Variants in SHCBP1L observed in about 807,000 individuals in gnomAD.
SHCBP1L encodes testicular spindle-associated protein SHCBP1L.
A neutral mutation model predicts 62.5 loss-of-function variants in SHCBP1L; 67 were observed. The ratio of observed to expected loss-of-function variants is 1.07; its 90% CI spans 0.88 to 1.31. The LOEUF (loss-of-function observed/expected upper bound fraction) is 1.31. Among genes scored for constraint, SHCBP1L ranks in the 40% most tolerant of loss-of-function variants. The pLI is 0.00. For synonymous variants in SHCBP1L, 284 were observed against 289.4 expected (o/e 0.98, Z 0.19); for missense variants, 823 against 809.8 (o/e 1.02, Z -0.20).
intron 2 of SHCBP1L, among the ~76,000 whole-genome samples, chr1:182,943,738 G>A (rs935591260): frequency 3.3e-5 from 5 of 150,832 alleles, no homozygotes; most frequent in African/African-American, 1.2e-4. Flanking sequence ...GTGAGCCACT[G>A]CACCTGGCCT....
intron 5 of SHCBP1L, among the ~76,000 whole-genome samples, chr1:182,930,547 GTGTGTATATATATATATATATA>G (rs1168796525): frequency 0.01 from 940 of 92,824 alleles, 46 homozygotes; most frequent in African/African-American, 0.031. Flanking sequence ...GCTTTAGTGT[GTGTGTATATATATATATATATA>G]TATATATATA....
intron 6 of SHCBP1L, among the ~76,000 whole-genome samples, chr1:182,914,508 C>T (rs111864327): frequency 2.8e-4 from 42 of 152,046 alleles, no homozygotes; most frequent in African/African-American, 9.6e-4. Context: ...CATAAAGGGA[C>T]GATGGAGCTG....
At chr1:182,927,711 T>C (rs370448665) in intron 6 of SHCBP1L, among the ~76,000 whole-genome samples, 1 of 149,030 alleles carries the variant, frequency 6.7e-6, no homozygotes, top group East Asian at 2.0e-4. Context: ...ACAGCTATAC[T>C]ACTATCAAGC....
intron 2 of SHCBP1L, among the ~76,000 whole-genome samples, chr1:182,941,154 GATA>G (rs1179766118): frequency 1.6e-5 from 2 of 124,464 alleles, no homozygotes; most frequent in African/African-American, 6.1e-5. Flanking sequence ...AAATGACAAT[GATA>G]ATAACAAAAA....
At chr1:182,903,185 C>A in intron 8 of SHCBP1L, 24 bp from the exon 9 acceptor site, 1 of 1,501,784 alleles carries the variant, frequency 6.7e-7, no homozygotes, top group Non-Finnish European at 8.9e-7. Context: ...GCAAATAAAA[C>A]TATCTACAAA....
chr1:182,911,404 C>A (rs1650184388), intron 6 of SHCBP1L, among the ~76,000 whole-genome samples: 1 of 152,046 alleles, frequency 6.6e-6, no homozygotes, highest in Admixed American at 6.6e-5. Flanking sequence ...TCCAGAGTTA[C>A]CATATTATAA....
chr1:182,940,592 A>G (rs923135206), intron 2 of SHCBP1L, 49 bp from the exon 3 acceptor site: 1 of 1,493,210 alleles, frequency 6.7e-7, no homozygotes, highest in African/African-American at 1.4e-5. Flanking sequence ...AAATATCAGT[A>G]AACCGCAGGA....
chr1:182,914,465 A>C (rs545336316), intron 6 of SHCBP1L, among the ~76,000 whole-genome samples: 15 of 152,376 alleles, frequency 9.8e-5, no homozygotes, highest in African/African-American at 3.4e-4. Flanking sequence ...ATGGGGAAAC[A>C]ATGTATAAAG....
chr1:182,924,587 C>T (rs1233632898), intron 6 of SHCBP1L, among the ~76,000 whole-genome samples: 7 of 151,032 alleles, frequency 4.6e-5, no homozygotes, highest in African/African-American at 1.5e-4. Flanking sequence ...TGAGCCACCG[C>T]GCCCCGCCAA....
intron 5 of SHCBP1L, among the ~76,000 whole-genome samples, chr1:182,931,552 G>A (rs1650995679): frequency 6.6e-6 from 1 of 151,988 alleles, no homozygotes. Flanking sequence ...AACAAACATT[G>A]GTCTGCTTTC....
intron 2 of SHCBP1L, among the ~76,000 whole-genome samples, chr1:182,949,625 A>T (rs1422328021): frequency 6.6e-6 from 1 of 151,932 alleles, no homozygotes; most frequent in Non-Finnish European, 1.5e-5. Flanking sequence ...TGAAACCTAG[A>T]GGAAGAGGTT....
rs763859892 is a variant in SHCBP1L at position 182,939,558 on chromosome 1, G to A, written c.771-5C>T. On this transcript the variant is annotated splice_region_variant and splice_polypyrimidine_tract_variant and intron_variant, in intron 3 of 9. Transcript: ENST00000367547. ...CAAAGAAAGTCATAAAAAAACCTACGATAAACCAAATTAAGATGACAGTAA... is the reference window on the plus strand; with the variant it reads ...CAAAGAAAGTCATAAAAAAACCTACAATAAACCAAATTAAGATGACAGTAA... 12 of 1,588,998 alleles carry A rather than the reference G, an allele frequency of 7.6e-6. No individual in the cohort carries two copies. Among genetic ancestry groups the A allele is most frequent in the East Asian group, 6.8e-5 (3 of 44,342 alleles).
intron 6 of SHCBP1L, among the ~76,000 whole-genome samples, chr1:182,923,471 A>G (rs1262389803): frequency 6.6e-6 from 1 of 152,200 alleles, no homozygotes; most frequent in Non-Finnish European, 1.5e-5. Context: ...CCTCAACAAA[A>G]TATTAACAAA....
chr1:182,900,173 C>T lies in SHCBP1L; in HGVS notation c.1772G>A (p.Gly591Glu). The T allele has an allele frequency of 6.2e-7, 1 of 1,610,916 alleles. No individual in the cohort carries two copies. Among genetic ancestry groups the T allele is most frequent in the Non-Finnish European group, 8.5e-7 (1 of 1,178,558 alleles). Residue 591 changes from glycine (G) to glutamate (E), a missense_variant, in exon 10 of 10, where the codon GGA (glycine) becomes GAA (glutamate). Transcript: ENST00000367547. Reference protein sequence around the residue: ...NNHIYSNKGYGVSILQPMEQF... With the variant: ...NNHIYSNKGYEVSILQPMEQF... ...TTCCATTGGTTGAAGAATGCTTACT[C>T]CATAGCCTTTGTTGCTATAAATATG...
intron 9 of SHCBP1L, among the ~76,000 whole-genome samples, chr1:182,902,378 G>A (rs1353041498): frequency 6.6e-6 from 1 of 151,858 alleles, no homozygotes; most frequent in African/African-American, 2.4e-5. Context: ...CCAATTATCT[G>A]ACTTAGTGTC....
intron 5 of SHCBP1L, among the ~76,000 whole-genome samples, chr1:182,931,845 A>C (rs1651007538): frequency 6.6e-6 from 1 of 151,930 alleles, no homozygotes; most frequent in African/African-American, 2.4e-5. Context: ...ACAAATGTAT[A>C]ATGACATGTA....
intron 5 of SHCBP1L, among the ~76,000 whole-genome samples, chr1:182,934,528 T>G (rs60108279): frequency 0.022 from 3,373 of 152,254 alleles, 121 homozygotes; most frequent in African/African-American, 0.077. Context: ...CCATTTTTAA[T>G]TGGGTTGTTT....
Position 182,904,370 on chromosome 1 carries a change from A to G in SHCBP1L, c.1397T>C (p.Val466Ala). 6.2e-7 allele frequency: 1 copy of G among 1,614,204 alleles called. No homozygotes were observed. The highest frequency in any genetic ancestry group is 1.3e-5 in the African/African-American group (1 of 75,060). The part of the protein sequence containing the change: ...TSEPSRDSFV[V>A]SKADNVKLMH... Reference sequence around the variant, plus strand: ...TAGTTTCACATTGTCAGCTTTGGACACCACAAAACTGTCACGAGAAGGTTC... The same window carrying G: ...TAGTTTCACATTGTCAGCTTTGGACGCCACAAAACTGTCACGAGAAGGTTC... Residue 466 changes from valine (V) to alanine (A), a missense_variant, in exon 8 of 10, where the codon GTG (valine) becomes GCG (alanine). Transcript: ENST00000367547.
At chr1:182,948,284 A>G (rs571744209) in intron 2 of SHCBP1L, among the ~76,000 whole-genome samples, 2 of 152,294 alleles carry the variant, frequency 1.3e-5, no homozygotes, top group South Asian at 4.1e-4. Context: ...TCCATTCCCT[A>G]ATCCTAATCT....
Sources: gnomAD v4.1 joint callset for allele counts (sites outside exome capture counted in the v4.1 genomes callset) on GRCh38, gnomAD v4.1.1 for gene constraint, MANE v1.5 for transcripts, NCBI Gene and HGNC (gene_info 2026-07-23, HGNC 2026-07-21) for gene names.